The following GALNT13 variants were observed in gnomAD, a reference collection of about 807,000 sequenced individuals.
The protein encoded by GALNT13 is UDP-GalNAc:polypeptide N-acetylgalactosaminyltransferase 13.
GALNT13 carries 28 observed loss-of-function variants against 64.2 expected under a neutral mutation model. The ratio of observed to expected loss-of-function variants is 0.44; its 90% CI spans 0.32 to 0.60. The LOEUF is 0.60. Ranked by LOEUF, GALNT13 falls within the 20% of genes least tolerant of loss-of-function variation. The probability of loss-of-function intolerance (pLI) is 0.05; values close to 1 mark genes in which losing one functional copy is unlikely to be tolerated. For missense variants in GALNT13, 577 were observed against 669.8 expected (o/e 0.86, Z 1.53); for synonymous variants, 214 against 224.6 (o/e 0.95, Z 0.42).
chr2:153,895,868 C>T (rs956594224), intron 1 of GALNT13, among the ~76,000 whole-genome samples: 8 of 151,112 alleles, frequency 5.3e-5, no homozygotes, highest in Non-Finnish European at 4.4e-5. Flanking sequence ...AATTTATATT[C>T]AGAAAATAAG....
the GALNT13 span, among the ~76,000 whole-genome samples, chr2:153,860,113 T>G: frequency 6.6e-6 from 1 of 152,240 alleles, no homozygotes; most frequent in Non-Finnish European, 1.5e-5. Flanking sequence ...GAAAGTAAGT[T>G]ACTTTCAAAT....
At chr2:154,044,086 T>TA (rs1026849535) in intron 3 of GALNT13, among the ~76,000 whole-genome samples, 1 of 151,260 alleles carries the variant, frequency 6.6e-6, no homozygotes, top group Non-Finnish European at 1.5e-5. Context: ...AAATAAAAAA[T>TA]AAAAAATAAA....
In GALNT13 at chr2:154,255,398, T is replaced by C. The variant is rs140382158; in HGVS notation, c.858-3623T>C. 2.4e-3 allele frequency among the ~76,000 whole-genome samples: 362 copies of C among 151,930 alleles called. 2 individuals are homozygous for C. The highest frequency in any genetic ancestry group is 8.0e-3 in the African/African-American group (332 of 41,422). On this transcript the variant is annotated intron_variant, in intron 7 of 12. Coordinates refer to ENST00000392825, the MANE Select transcript of GALNT13 (RefSeq NM_052917.4). The stretch of plus-strand genomic sequence containing the variant: ...AATATATGTGTCTGGTTTAACAGAG[T>C]AGTAAGGTGGAATGAAAATGTTTTT...
chr2:153,680,217 G>C, the GALNT13 span, among the ~76,000 whole-genome samples: 129 of 151,926 alleles, frequency 8.5e-4, 3 homozygotes, highest in Middle Eastern at 0.01. Flanking sequence ...ACATTGTAAA[G>C]TGGGTAAATA....
the GALNT13 span, among the ~76,000 whole-genome samples, chr2:153,210,521 A>G: frequency 1.3e-5 from 2 of 152,150 alleles, no homozygotes; most frequent in African/African-American, 4.8e-5. Flanking sequence ...ATGATATTTT[A>G]TTCATTTTAT....
At chr2:154,284,440 C>T (rs1338204442) in intron 8 of GALNT13, among the ~76,000 whole-genome samples, 1 of 151,706 alleles carries the variant, frequency 6.6e-6, no homozygotes, top group African/African-American at 2.4e-5. Context: ...TAACATAATT[C>T]CCTTCCTTTT....
chr2:153,472,660 T>C, the GALNT13 span, among the ~76,000 whole-genome samples: 1 of 152,202 alleles, frequency 6.6e-6, no homozygotes, highest in Non-Finnish European at 1.5e-5. Flanking sequence ...CTTTTTAGTA[T>C]TGATCATTCT....
intron 4 of GALNT13, chr2:154,236,278 G>T: frequency 4.1e-6 from 2 of 487,442 alleles, no homozygotes; most frequent in Non-Finnish European, 5.5e-6. Flanking sequence ...GGTTTTACAT[G>T]TTTCAAAGAG....
intron 4 of GALNT13, among the ~76,000 whole-genome samples, chr2:154,175,219 C>G (rs939942257): frequency 2.0e-5 from 3 of 152,160 alleles, no homozygotes; most frequent in African/African-American, 7.2e-5. Flanking sequence ...CTAGCATTCT[C>G]TTTTCATTTT....
chr2:153,547,521 T>C, the GALNT13 span, among the ~76,000 whole-genome samples: 3 of 152,020 alleles, frequency 2.0e-5, no homozygotes, highest in Non-Finnish European at 4.4e-5. Flanking sequence ...ACAGGTAGAG[T>C]CTTAATATAT....
At chr2:153,243,337 C>T in the GALNT13 span, among the ~76,000 whole-genome samples, 125,831 of 152,138 alleles carry the variant, frequency 0.83, 53,207 homozygotes, top group African/African-American at 0.91. Flanking sequence ...TTTTACCTAC[C>T]TTGGAGCATT....
At chr2:154,141,409 G>A (rs1683252306) in intron 4 of GALNT13, among the ~76,000 whole-genome samples, 2 of 151,908 alleles carry the variant, frequency 1.3e-5, no homozygotes, top group South Asian at 4.1e-4. Context: ...CTATACAGCT[G>A]TAAAAAATAT....
At chr2:153,868,746 G>A (rs1685804900), upstream of GALNT13, among the ~76,000 whole-genome samples, 1 of 152,128 alleles carries the variant, frequency 6.6e-6, no homozygotes, top group Non-Finnish European at 1.5e-5. Flanking sequence ...TTGGCCAATA[G>A]ACATTCTTGG....
intron 9 of GALNT13, among the ~76,000 whole-genome samples, chr2:154,363,645 A>G (rs1697202496): frequency 6.6e-6 from 1 of 152,320 alleles, no homozygotes; most frequent in Non-Finnish European, 1.5e-5. Context: ...AAATGTGGGC[A>G]AATTCTTTTT....
At chr2:154,155,045 A>G (rs1261543712) in intron 4 of GALNT13, among the ~76,000 whole-genome samples, 3 of 151,964 alleles carry the variant, frequency 2.0e-5, no homozygotes, top group Non-Finnish European at 2.9e-5. Context: ...GCACATAAGA[A>G]CATTAGATAA....
chr2:153,763,294 C>T, the GALNT13 span, among the ~76,000 whole-genome samples: 354 of 152,128 alleles, frequency 2.3e-3, no homozygotes, highest in African/African-American at 7.0e-3. Context: ...CTAGTCATTC[C>T]GGTAGGTCAG....
the GALNT13 span, among the ~76,000 whole-genome samples, chr2:153,081,439 CT>C: frequency 1.3e-5 from 2 of 152,074 alleles, no homozygotes; most frequent in African/African-American, 4.8e-5. Context: ...CCTTATTGTG[CT>C]ATCGAATTTT....
chr2:154,407,239 TTCG>T (rs1699587979), intron 10 of GALNT13, among the ~76,000 whole-genome samples: 1 of 152,150 alleles, frequency 6.6e-6, no homozygotes, highest in South Asian at 2.1e-4. Flanking sequence ...TAAAAATGAA[TTCG>T]TCATTTTGTG....
chr2:153,431,544 G>A, the GALNT13 span, among the ~76,000 whole-genome samples: 5 of 152,134 alleles, frequency 3.3e-5, no homozygotes, highest in Non-Finnish European at 7.3e-5. Flanking sequence ...CTTGGTTCTC[G>A]AGACCATGTT....
Sources: allele counts gnomAD v4.1 joint callset (sites outside exome capture counted in the v4.1 genomes callset), GRCh38; gene constraint gnomAD v4.1.1; transcripts MANE v1.5; gene names NCBI Gene and HGNC (gene_info 2026-07-23, HGNC 2026-07-21).